CNTN5: variants seen among roughly 807,000 people sequenced by gnomAD.
The protein encoded by CNTN5 is contactin-5.
CNTN5 carries 77 observed loss-of-function variants against 129.1 expected under a neutral mutation model. The observed-to-expected ratio is 0.60, with a 90% confidence interval of 0.50 to 0.72. The LOEUF (loss-of-function observed/expected upper bound fraction) is 0.72, where lower values mean the gene tolerates loss of function less well. CNTN5 is among the 30% of genes least tolerant of loss of function. CNTN5 has a pLI of 0.00. For missense variants in CNTN5, 1,478 were observed against 1,328.8 expected (o/e 1.11, Z -1.75); for synonymous variants, 509 against 465.6 (o/e 1.09, Z -1.20).
At chr11:99,739,877 T>C (rs141284002) in intron 3 of CNTN5, among the ~76,000 whole-genome samples, 7 of 152,270 alleles carry the variant, frequency 4.6e-5, no homozygotes, top group African/African-American at 1.7e-4. Context: ...TTAAAAACTT[T>C]AGCTGGCACA....
At chr11:100,214,649 C>T (rs61908154) in intron 15 of CNTN5, among the ~76,000 whole-genome samples, 11,309 of 152,176 alleles carry the variant, frequency 0.074, 430 homozygotes, top group Admixed American at 0.083. Flanking sequence ...TCCTTGAGGC[C>T]CTTCCAGCTT....
chr11:99,044,219 C>A (rs1332896429), intron 1 of CNTN5, among the ~76,000 whole-genome samples: 2 of 152,106 alleles, frequency 1.3e-5, no homozygotes, highest in African/African-American at 2.4e-5. Flanking sequence ...TAGTAGCCTG[C>A]AAATCATATC....
At chr11:99,462,928 T>C (rs988638208) in intron 2 of CNTN5, among the ~76,000 whole-genome samples, 2 of 151,402 alleles carry the variant, frequency 1.3e-5, no homozygotes, top group Non-Finnish European at 2.9e-5. Flanking sequence ...CTACTAAAAA[T>C]ACAAAAACAA....
intron 2 of CNTN5, among the ~76,000 whole-genome samples, chr11:99,486,546 G>A (rs1033799703): frequency 1.3e-5 from 2 of 152,096 alleles, no homozygotes; most frequent in African/African-American, 4.8e-5. Flanking sequence ...AAATTAGTGT[G>A]AGTAAATGAT....
intron 6 of CNTN5, among the ~76,000 whole-genome samples, chr11:99,848,661 A>G (rs1260390046): frequency 6.6e-6 from 1 of 152,190 alleles, no homozygotes; most frequent in Non-Finnish European, 1.5e-5. Flanking sequence ...TTCTTGAGGC[A>G]TATTTGCATA....
chr11:99,032,722 G>A (rs1433788149), intron 1 of CNTN5, among the ~76,000 whole-genome samples: 1 of 149,632 alleles, frequency 6.7e-6, no homozygotes, highest in African/African-American at 2.5e-5. Context: ...TAGGTTGCCT[G>A]TTCACTCTGA....
chr11:99,634,735 C>G (rs1250967238), intron 3 of CNTN5, among the ~76,000 whole-genome samples: 1 of 152,160 alleles, frequency 6.6e-6, no homozygotes, highest in East Asian at 1.9e-4. Flanking sequence ...TCTGCCCAGT[C>G]TCTTCTCTGT....
At chr11:99,244,647 T>C (rs1418694109) in intron 1 of CNTN5, among the ~76,000 whole-genome samples, 1 of 152,200 alleles carries the variant, frequency 6.6e-6, no homozygotes, top group Non-Finnish European at 1.5e-5. Context: ...TGAAATCCCC[T>C]GCATGAGATC....
chr11:100,339,222 A>G (rs1055509794), intron 21 of CNTN5, among the ~76,000 whole-genome samples: 2 of 152,088 alleles, frequency 1.3e-5, no homozygotes, highest in African/African-American at 4.8e-5. Context: ...CTGGTGTGAC[A>G]GACTATCTGG....
intron 13 of CNTN5, among the ~76,000 whole-genome samples, chr11:100,075,773 T>C (rs1455292659): frequency 6.6e-6 from 1 of 152,142 alleles, no homozygotes; most frequent in Non-Finnish European, 1.5e-5. Flanking sequence ...AGGGAAGTTA[T>C]AGTTTCTATG....
At chr11:99,377,778 TTA>T (rs1491561439) in intron 2 of CNTN5, among the ~76,000 whole-genome samples, 34,110 of 151,972 alleles carry the variant, frequency 0.22, 3,749 homozygotes, top group South Asian at 0.32. Context: ...GATGTACAGA[TTA>T]GTTCCTCACT....
chr11:99,057,814 G>A (rs1402523607), intron 1 of CNTN5, among the ~76,000 whole-genome samples: 1 of 151,132 alleles, frequency 6.6e-6, no homozygotes, highest in Non-Finnish European at 1.5e-5. Flanking sequence ...GTGTGTGTGT[G>A]TGTATGGTCA....
chr11:99,584,450 A>G (rs557698889), intron 3 of CNTN5, among the ~76,000 whole-genome samples: 25 of 152,308 alleles, frequency 1.6e-4, no homozygotes, highest in African/African-American at 5.8e-4. Flanking sequence ...ATAATACAAT[A>G]ATGTTATTGG....
intron 17 of CNTN5, among the ~76,000 whole-genome samples, chr11:100,264,078 GTA>G (rs1303454350): frequency 5.3e-5 from 8 of 151,700 alleles, no homozygotes; most frequent in South Asian, 4.2e-4. Flanking sequence ...ACATATGTGT[GTA>G]TATATATATG....
intron 1 of CNTN5, among the ~76,000 whole-genome samples, chr11:99,106,144 A>G (rs1565321547): frequency 2.6e-5 from 4 of 152,118 alleles, no homozygotes; most frequent in African/African-American, 9.7e-5. Flanking sequence ...TTAAAGTTTT[A>G]ATAGAAAACA....
chr11:99,144,383 A>G (rs1248471003), intron 1 of CNTN5, among the ~76,000 whole-genome samples: 2 of 152,246 alleles, frequency 1.3e-5, no homozygotes, highest in African/African-American at 2.4e-5. Context: ...GCCATATTTC[A>G]TAAGAGAAGT....
At chr11:99,544,227 A>G (rs547288243) in intron 2 of CNTN5, among the ~76,000 whole-genome samples, 6 of 152,072 alleles carry the variant, frequency 3.9e-5, no homozygotes, top group African/African-American at 1.4e-4. Flanking sequence ...CACTGAGAAG[A>G]CGGGGCTGAA....
intron 3 of CNTN5, among the ~76,000 whole-genome samples, chr11:99,737,639 T>A (rs1421651300): frequency 6.6e-6 from 1 of 152,224 alleles, no homozygotes; most frequent in African/African-American, 2.4e-5. Flanking sequence ...CAAATAACTG[T>A]AATTTGAATA....
At chr11:100,110,814 GGA>G (rs1945632585) in intron 13 of CNTN5, among the ~76,000 whole-genome samples, 1 of 152,114 alleles carries the variant, frequency 6.6e-6, no homozygotes, top group Non-Finnish European at 1.5e-5. Flanking sequence ...GTGAAATGTG[GGA>G]TTGATGTCAC....
Sources: gnomAD v4.1 joint callset for allele counts (sites outside exome capture counted in the v4.1 genomes callset) on GRCh38, gnomAD v4.1.1 for gene constraint, MANE v1.5 for transcripts, NCBI Gene and HGNC (gene_info 2026-07-23, HGNC 2026-07-21) for gene names.